Variants in ZNF611 observed in about 807,000 individuals in gnomAD.
ZNF611 encodes the protein zinc finger protein 611.
ZNF611 carries 6 observed loss-of-function variants against 8.9 expected under a neutral mutation model. That is an observed-to-expected ratio of 0.68 (90% CI 0.37 to 1.34). The LOEUF is 1.34. Ranked by LOEUF, ZNF611 falls within the 40% of genes most tolerant of loss-of-function variation. ZNF611 has a pLI of 0.02. For synonymous variants in ZNF611, 262 were observed against 279.7 expected (o/e 0.94, Z 0.63); for missense variants, 874 against 841.3 (o/e 1.04, Z -0.48).
At chr19:52,718,227 C>G (rs1035027986) in intron 3 of ZNF611, among the ~76,000 whole-genome samples, 3 of 152,144 alleles carry the variant, frequency 2.0e-5, no homozygotes, top group Non-Finnish European at 2.9e-5. Flanking sequence ...GTCGCCCCAG[C>G]TACTCTGGAG....
rs2062220383 is a variant in ZNF611, at chr19:52,703,687, G to C, written c.*1250C>G. On this transcript the variant is annotated 3_prime_UTR_variant, in exon 6 of 6. Coordinates refer to ENST00000652185, the MANE Select transcript of ZNF611 (RefSeq NM_001161499.2). ...ACTCCCTGCAAGCTCCGCCTCACAG[G>C]TTCATGCCATTCTCCTGCCTCAGCA... 6.6e-6 allele frequency: 1 copy of C among 150,760 alleles called. No homozygotes were observed. The highest frequency in any genetic ancestry group is 2.1e-4 in the South Asian group (1 of 4,810). The allele number at this position is 150,760 out of a possible 1,614,324, so 9.3% of individuals were successfully genotyped here. A position where few individuals can be genotyped will look rare whatever the true frequency, so the allele number is the denominator to read the frequency against.
intron 2 of ZNF611, 73 bp downstream of exon 2, chr19:52,729,833 G>A (rs964605376): frequency 2.0e-5 from 3 of 152,096 alleles, no homozygotes; most frequent in Non-Finnish European, 4.4e-5. Context: ...TGAAATACGT[G>A]TTAAGATCAC....
intron 3 of ZNF611, among the ~76,000 whole-genome samples, chr19:52,726,188 T>A (rs572360142): frequency 5.3e-5 from 8 of 152,240 alleles, no homozygotes; most frequent in Non-Finnish European, 8.8e-5. Context: ...TTGCTTGGGA[T>A]GCGGGACTGG....
chr19:52,718,135 T>C (rs577575340), intron 3 of ZNF611, among the ~76,000 whole-genome samples: 9 of 151,440 alleles, frequency 5.9e-5, no homozygotes, highest in Admixed American at 5.9e-4. Context: ...AGGTTAGGAG[T>C]TCGAGACCAG....
chr19:52,727,946 G>A (rs957156453), intron 3 of ZNF611, among the ~76,000 whole-genome samples: 2 of 101,992 alleles, frequency 2.0e-5, no homozygotes, highest in Non-Finnish European at 3.7e-5. Context: ...GTCTCGCTTT[G>A]TTGCCCAGGC....
intron 5 of ZNF611, among the ~76,000 whole-genome samples, chr19:52,709,031 C>A (rs1174316011): frequency 2.0e-5 from 3 of 152,032 alleles, no homozygotes; most frequent in African/African-American, 4.8e-5. Flanking sequence ...TAACTGAGAT[C>A]AGAGAAAACA....
rs750734245 is a variant in ZNF611, at chr19:52,705,143, T to A, written c.1912A>T (p.Ile638Leu). The change falls in exon 6 of 6, where the codon ATA (isoleucine) becomes TTA (leucine). Residue 638 changes from isoleucine to leucine, a missense_variant. By Grantham distance (5) the Ile-to-Leu change is conservative. Coordinates refer to ENST00000652185, the MANE Select transcript of ZNF611 (RefSeq NM_001161499.2). ...CCAGTATGAAGTCTACGATGGTATA[T>A]AAGGGATGAGCAGTGACGGAAGGTA... ...GNTFRHCSSL[I>L]YHRRLHTGEK... The A allele has an allele frequency of 6.2e-7, 1 of 1,614,030 alleles. No individual in the cohort carries two copies. Among genetic ancestry groups the A allele is most frequent in the South Asian group, 1.1e-5 (1 of 91,066 alleles).
rs767426428 is a variant in ZNF611, at chr19:52,715,818, G to A, written c.63+14C>T. 25 of 1,610,308 alleles carry A rather than the reference G, an allele frequency of 1.6e-5. No homozygotes were observed. In the East Asian group the frequency reaches 5.6e-4, roughly 36 times the overall value. On this transcript the variant is annotated intron_variant, in intron 4 of 5. Coordinates refer to ENST00000652185, the MANE Select transcript of ZNF611 (RefSeq NM_001161499.2). ...GAAAGACACAGATTAATCCACAGAG[G>A]AATATCACTTCACCTGAGGAAGAGC...
chr19:52,706,123 C>G lies in ZNF611; in HGVS notation c.932G>C (p.Gly311Ala), dbSNP rs1377570944. Residue 311 changes from glycine (G) to alanine (A), a missense_variant, in exon 6 of 6, where the codon GGA (glycine) becomes GCA (alanine). By Grantham distance (60) the Gly-to-Ala change is moderately conservative. Coordinates refer to ENST00000652185, the MANE Select transcript of ZNF611 (RefSeq NM_001161499.2). ...SLTCHRRLHT[G>A]VKRYNCNECG... Reference sequence around the variant, plus strand: ...CTCATTACAATTGTAACGTTTTACTCCAGTATGAAGTCTACGATGGCAGGT... The same window carrying G: ...CTCATTACAATTGTAACGTTTTACTGCAGTATGAAGTCTACGATGGCAGGT... The G allele has an allele frequency of 6.2e-7, 1 of 1,614,036 alleles. No homozygotes were observed. The highest frequency in any genetic ancestry group is 1.3e-5 in the African/African-American group (1 of 75,004).
intron 3 of ZNF611, chr19:52,721,095 G>C (rs2062356495): frequency 6.4e-6 from 1 of 155,330 alleles, no homozygotes; most frequent in Admixed American, 6.5e-5. Flanking sequence ...CGGCCAGGAA[G>C]AGACGCTCCT....
Position 52,733,215 on chromosome 19 carries a change from G to A in ZNF611, c.-222+1786C>T, listed in dbSNP as rs7246731. On this transcript the variant is annotated intron_variant, in intron 1 of 5. Coordinates refer to ENST00000652185, the MANE Select transcript of ZNF611 (RefSeq NM_001161499.2). ...TCTGTGTAATTTAAACAAGTTTTTA[G>A]TTATTAGATTATATATACAGAACTC... is the stretch of plus-strand genomic sequence containing the variant. Among the ~76,000 whole-genome samples, 118 of 152,194 alleles carry A rather than the reference G, an allele frequency of 7.8e-4. 1 individual carries two copies. The highest frequency in any genetic ancestry group is 2.7e-3 in the African/African-American group (114 of 41,522).
rs1568597862 is a variant in ZNF611, at chr19:52,703,903, TAAAAATTACTATGATATATCCCTTTC to T, written c.*1008_*1033del. On this transcript the variant is annotated 3_prime_UTR_variant, in exon 6 of 6. Transcript: ENST00000652185. ...TCCGTGCCTGGCCTCATATCCCTTT[TAAAAATTACTATGATATATCCCTTTC>T]AAAAAGTACTAACTGAAAAAAGTAC... 3.8e-5 allele frequency: 6 copies of T among 156,822 alleles called. No individual in the cohort carries two copies. The highest frequency in any genetic ancestry group is 1.3e-4 in the Admixed American group (2 of 15,856). 9.7% of individuals were successfully genotyped at this position (156,822 alleles called of 1,614,324 possible).
chr19:52,715,901 T>G lies in ZNF611; in HGVS notation c.-7A>C. ...CTGCTTCCTCACGTAACATGAGTCT[T>G]TAGGAATCAATCCTGTATGTGAAAA... On this transcript the variant is annotated 5_prime_UTR_variant, in exon 4 of 6. Transcript: ENST00000652185. The G allele has an allele frequency of 6.2e-7, 1 of 1,613,494 alleles. No individual in the cohort carries two copies.
In ZNF611 at chr19:52,706,193, T is replaced by G; in HGVS notation, c.862A>C (p.Lys288Gln). 2 of 1,614,172 alleles carry G rather than the reference T, an allele frequency of 1.2e-6. No homozygotes were observed. Among genetic ancestry groups the G allele is most frequent in the South Asian group, 2.2e-5 (2 of 91,088 alleles). Reference protein sequence around the residue: ...DRCHTVEKPYKCKECGKTFSQ... With the variant: ...DRCHTVEKPYQCKECGKTFSQ... ...AAGGTCTTGCCACACTCTTTACACT[T>G]GTAAGGTTTCTCAACAGTGTGACAT... Residue 288 changes from lysine (K) to glutamine (Q), a missense_variant, in exon 6 of 6, where the codon AAG becomes CAG. By Grantham distance (53) the Lys-to-Gln change is moderately conservative (BLOSUM62 1). Coordinates refer to ENST00000652185, the MANE Select transcript of ZNF611 (RefSeq NM_001161499.2).
chr19:52,725,709 G>A (rs987038751), intron 3 of ZNF611, among the ~76,000 whole-genome samples: 1 of 152,306 alleles, frequency 6.6e-6, no homozygotes, highest in African/African-American at 2.4e-5. Context: ...ATACAAGGCA[G>A]AGCAAAACTC....
At chr19:52,712,042 T>C (rs181756559) in intron 5 of ZNF611, among the ~76,000 whole-genome samples, 78 of 152,160 alleles carry the variant, frequency 5.1e-4, no homozygotes, top group African/African-American at 1.7e-3. Context: ...AGGTTAAATA[T>C]GCAAATTACA....
Position 52,705,753 on chromosome 19 carries a change from G to GAAA in ZNF611, c.1301_1302insTTT (p.Phe435dup), listed in dbSNP as rs762697255. 2 of 1,613,878 alleles carry GAAA rather than the reference G, an allele frequency of 1.2e-6. No homozygotes were observed. Among genetic ancestry groups the GAAA allele is most frequent in the African/African-American group, 2.7e-5 (2 of 74,906 alleles). On this transcript the variant is annotated inframe_insertion, in exon 6 of 6. Transcript: ENST00000652185. ...ATACAAGGGATGACTTGTGACTGAAGGTCTTGCCACACTCATTACATTTAT... is the reference window on the plus strand; with the variant it reads ...ATACAAGGGATGACTTGTGACTGAAGAAAGTCTTGCCACACTCATTACATTTAT...
intron 5 of ZNF611, among the ~76,000 whole-genome samples, chr19:52,713,719 C>T (rs543016391): frequency 6.6e-6 from 1 of 152,058 alleles, no homozygotes; most frequent in African/African-American, 2.4e-5. Flanking sequence ...TGGAGAAACC[C>T]CATCTCTACT....
intron 5 of ZNF611, among the ~76,000 whole-genome samples, chr19:52,709,155 T>A (rs776967871): frequency 6.6e-5 from 10 of 152,246 alleles, no homozygotes; most frequent in Non-Finnish European, 1.3e-4. Flanking sequence ...AATAGGATGT[T>A]CCTGCAGTTG....
Sources: allele counts gnomAD v4.1 joint callset (sites outside exome capture counted in the v4.1 genomes callset), GRCh38; gene constraint gnomAD v4.1.1; transcripts MANE v1.5; gene names NCBI Gene and HGNC (gene_info 2026-07-23, HGNC 2026-07-21).